Variants in CDK7 observed in about 807,000 individuals in gnomAD.
CDK7 encodes cyclin dependent kinase 7.
CDK7 carries 25 observed loss-of-function variants against 49.1 expected under a neutral mutation model. That is an observed-to-expected ratio of 0.51 (90% CI 0.37 to 0.71). The LOEUF (loss-of-function observed/expected upper bound fraction) is 0.71, where lower values mean the gene tolerates loss of function less well. CDK7 is among the 30% of genes least tolerant of loss of function. The pLI, the probability that CDK7 is intolerant of heterozygous loss-of-function variation, is 0.00. For synonymous variants in CDK7, 107 were observed against 140.0 expected (o/e 0.76, Z 1.67); for missense variants, 316 against 411.7 (o/e 0.77, Z 2.01).
intron 2 of CDK7, among the ~76,000 whole-genome samples, chr5:69,242,422 C>G (rs190215268): frequency 6.6e-6 from 1 of 152,244 alleles, no homozygotes; most frequent in East Asian, 1.9e-4. Context: ...ATATGGGCTC[C>G]TGGTCCAAGT....
At chr5:69,240,591 A>G (rs184471792) in intron 2 of CDK7, among the ~76,000 whole-genome samples, 1 of 152,290 alleles carries the variant, frequency 6.6e-6, no homozygotes, top group Admixed American at 6.5e-5. Context: ...ATTTTTTATT[A>G]TGTGGGAAAA....
intron 7 of CDK7, 130 bp from the exon 8 acceptor site, chr5:69,262,075 A>T (rs919390941): frequency 3.6e-5 from 36 of 1,011,730 alleles, no homozygotes; most frequent in Non-Finnish European, 5.2e-5. Flanking sequence ...ATGAAAGAGT[A>T]TGGTATCTAG....
At chr5:69,270,891 T>A (rs114986155) in intron 9 of CDK7, among the ~76,000 whole-genome samples, 1 of 152,232 alleles carries the variant, frequency 6.6e-6, no homozygotes. Context: ...TATATTTGTG[T>A]TGTTTCCAAT....
chr5:69,247,347 T>A (rs1749821903), intron 2 of CDK7, among the ~76,000 whole-genome samples: 2 of 152,216 alleles, frequency 1.3e-5, no homozygotes, highest in African/African-American at 4.8e-5. Flanking sequence ...AGTGACTTTG[T>A]CTTATTTTAC....
At chr5:69,255,825 G>A in intron 5 of CDK7, 1 of 307,958 alleles carries the variant, frequency 3.2e-6, no homozygotes, top group Non-Finnish European at 6.1e-6. Context: ...AGATTTGTTT[G>A]CTTTTTTTTT....
At chr5:69,241,478 A>G (rs1749382525) in intron 2 of CDK7, among the ~76,000 whole-genome samples, 1 of 151,746 alleles carries the variant, frequency 6.6e-6, no homozygotes, top group South Asian at 2.1e-4. Context: ...ACACTGCATC[A>G]CCACACCCGG....
intron 2 of CDK7, among the ~76,000 whole-genome samples, chr5:69,239,898 G>C (rs1749255422): frequency 6.8e-6 from 1 of 146,734 alleles, no homozygotes; most frequent in Admixed American, 6.9e-5. Context: ...TTTCAATAGA[G>C]ACAGGGTCTT....
chr5:69,251,339 C>A (rs1297203847), intron 2 of CDK7, among the ~76,000 whole-genome samples: 1 of 151,880 alleles, frequency 6.6e-6, no homozygotes, highest in Non-Finnish European at 1.5e-5. Flanking sequence ...ACCTCGTGAT[C>A]CACCTGCCTC....
intron 5 of CDK7, among the ~76,000 whole-genome samples, chr5:69,257,513 G>A (rs777616377): frequency 6.6e-6 from 1 of 152,120 alleles, no homozygotes; most frequent in Admixed American, 6.5e-5. Flanking sequence ...ATGCTTCTAG[G>A]TATATGTTTG....
intron 2 of CDK7, among the ~76,000 whole-genome samples, chr5:69,237,732 C>T (rs750270079): frequency 6.6e-6 from 1 of 152,104 alleles, no homozygotes; most frequent in Non-Finnish European, 1.5e-5. Flanking sequence ...AGGCGGATCA[C>T]CTGAGGTCAG....
chr5:69,270,243 C>T (rs1016223888), intron 9 of CDK7, among the ~76,000 whole-genome samples: 7 of 151,932 alleles, frequency 4.6e-5, no homozygotes, highest in African/African-American at 1.7e-4. Context: ...TAAGACCAGC[C>T]TGGGCAACAT....
At chr5:69,274,307 A>T (rs1158097658) in intron 10 of CDK7, among the ~76,000 whole-genome samples, 1 of 152,178 alleles carries the variant, frequency 6.6e-6, no homozygotes, top group Non-Finnish European at 1.5e-5. Context: ...TAATTTGCAT[A>T]TAGAACTGCT....
At chr5:69,257,968 CTG>C in intron 5 of CDK7, 73 bp from the exon 6 acceptor site, 1 of 768,598 alleles carries the variant, frequency 1.3e-6, no homozygotes, top group Non-Finnish European at 2.2e-6. Flanking sequence ...CATTTTAAGT[CTG>C]TAAATTGTTT....
chr5:69,240,100 C>T lies in CDK7; in HGVS notation c.126+4647C>T, dbSNP rs979553055. 5.3e-5 allele frequency among the ~76,000 whole-genome samples: 8 copies of T among 152,232 alleles called. No homozygotes were observed. The East Asian group carries it at 5.8e-4, about 11-fold the overall frequency. On this transcript the variant is annotated intron_variant, in intron 2 of 11. Coordinates refer to ENST00000256443, the MANE Select transcript of CDK7 (RefSeq NM_001799.4). ...GTTGTAATGCCAAATTCCCCATACC[C>T]TTGCAATACCAAGTTCCAGTATTGG...
At chr5:69,264,064 G>C (rs537247033) in intron 8 of CDK7, among the ~76,000 whole-genome samples, 1 of 152,322 alleles carries the variant, frequency 6.6e-6, no homozygotes, top group Admixed American at 6.5e-5. Context: ...GGGATCACCA[G>C]ATAGTTATTA....
intron 5 of CDK7, among the ~76,000 whole-genome samples, chr5:69,256,353 G>GTTTTTGT (rs1248916708): frequency 6.6e-6 from 1 of 151,944 alleles, no homozygotes; most frequent in Non-Finnish European, 1.5e-5. Flanking sequence ...GTTTGTTTTT[G>GTTTTTGT]TTTTTGTTTT....
intron 6 of CDK7, 97 bp from the exon 7 acceptor site, chr5:69,259,711 GGTGTTACCTT>G: frequency 1.4e-6 from 1 of 693,592 alleles, no homozygotes; most frequent in Admixed American, 2.4e-5. Flanking sequence ...TTAGATTTCA[GGTGTTACCTT>G]GTTTTTGCTA....
At chr5:69,275,429 C>G (rs1358761591) in intron 10 of CDK7, among the ~76,000 whole-genome samples, 1 of 152,048 alleles carries the variant, frequency 6.6e-6, no homozygotes, top group Admixed American at 6.6e-5. Flanking sequence ...AAGTTTCTCT[C>G]TTTGCATTTT....
At chr5:69,238,418 A>G (rs1429176446) in intron 2 of CDK7, among the ~76,000 whole-genome samples, 1 of 151,384 alleles carries the variant, frequency 6.6e-6, no homozygotes, top group Non-Finnish European at 1.5e-5. Flanking sequence ...CCAACCAGCT[A>G]GGAGTACAGG....
Sources: gnomAD v4.1 joint callset for allele counts (sites outside exome capture counted in the v4.1 genomes callset) on GRCh38, gnomAD v4.1.1 for gene constraint, MANE v1.5 for transcripts, NCBI Gene and HGNC (gene_info 2026-07-23, HGNC 2026-07-21) for gene names.